Variants in ROBO1 observed in about 807,000 individuals in gnomAD.
ROBO1 encodes the protein roundabout guidance receptor 1.
A neutral mutation model predicts 195.9 loss-of-function variants in ROBO1; 149 were observed. The ratio of observed to expected loss-of-function variants is 0.76; its 90% CI spans 0.67 to 0.87. The LOEUF is 0.87. Ranked by LOEUF, ROBO1 falls within the 40% of genes least tolerant of loss-of-function variation. The pLI, the probability that ROBO1 is intolerant of heterozygous loss-of-function variation, is 0.00. For synonymous variants in ROBO1, 816 were observed against 733.2 expected, an observed-to-expected ratio of 1.11 and a Z score of -1.82; for missense variants, 1,933 against 2,068.3, an observed-to-expected ratio of 0.93 and a Z score of 1.27.
intron 3 of ROBO1, among the ~76,000 whole-genome samples, chr3:79,084,355 G>A (rs753631272): frequency 4.6e-5 from 7 of 152,164 alleles, no homozygotes; most frequent in African/African-American, 7.2e-5. Flanking sequence ...AAAATTAGCC[G>A]GGCTTGGTGG....
chr3:79,536,563 T>C (rs1941872019), intron 2 of ROBO1, among the ~76,000 whole-genome samples: 1 of 152,168 alleles, frequency 6.6e-6, no homozygotes, highest in Admixed American at 6.6e-5. Context: ...ACACAGATGT[T>C]TAGAAGAATT....
At chr3:79,681,039 G>A (rs1946930995) in intron 1 of ROBO1, among the ~76,000 whole-genome samples, 1 of 152,010 alleles carries the variant, frequency 6.6e-6, no homozygotes. Context: ...CAAGAGAACG[G>A]TGTATTAGAA....
chr3:79,733,729 T>C lies in ROBO1; in HGVS notation c.-51+34023A>G, dbSNP rs529456754. 4.6e-5 allele frequency among the ~76,000 whole-genome samples: 7 copies of C among 152,300 alleles called. No individual in the cohort carries two copies. The East Asian group carries it at 1.2e-3, about 25-fold the overall frequency. ...TAGGAGTATTTTTGCTGTACTATCA[T>C]ATTCTCTGTACTTACTCTATCATTA... On this transcript the variant is annotated intron_variant, in intron 1 of 30. Coordinates refer to ENST00000464233, the MANE Select transcript of ROBO1 (RefSeq NM_002941.4).
At chr3:79,249,342 T>A (rs1046176037) in intron 2 of ROBO1, among the ~76,000 whole-genome samples, 1 of 152,210 alleles carries the variant, frequency 6.6e-6, no homozygotes, top group Non-Finnish European at 1.5e-5. Flanking sequence ...GCCTAATTCC[T>A]GACTTAATTA....
Position 78,597,430 on chromosome 3 carries a change from C to CAA in ROBO1, c.*1481_*1482dup, listed in dbSNP as rs1404917016. 2.0e-5 allele frequency: 3 copies of CAA among 152,466 alleles called. No homozygotes were observed. Among genetic ancestry groups the CAA allele is most frequent in the Non-Finnish European group, 2.9e-5 (2 of 67,970 alleles). 9.4% of individuals were successfully genotyped at this position (152,466 alleles called of 1,614,324 possible). The stretch of plus-strand genomic sequence containing the variant: ...AACTTTTTCAAATTATCTAAATGAA[C>CAA]AAGTTTGGTTTTGGTGAACACCAGC... On this transcript the variant is annotated 3_prime_UTR_variant, in exon 31 of 31. Transcript: ENST00000464233.
chr3:78,922,472 C>G (rs920030006), intron 4 of ROBO1, among the ~76,000 whole-genome samples: 1 of 152,074 alleles, frequency 6.6e-6, no homozygotes, highest in Admixed American at 6.6e-5. Flanking sequence ...AGTTCATAGG[C>G]AAGGTAGTCA....
At chr3:79,498,778 C>T (rs1458245852) in intron 2 of ROBO1, among the ~76,000 whole-genome samples, 2 of 151,598 alleles carry the variant, frequency 1.3e-5, no homozygotes, top group Non-Finnish European at 2.9e-5. Flanking sequence ...CACTTGAACC[C>T]GGGAGGCAGA....
chr3:79,761,611 C>G, intron 1 of ROBO1, among the ~76,000 whole-genome samples: 1 of 152,214 alleles, frequency 6.6e-6, no homozygotes, highest in East Asian at 1.9e-4. Flanking sequence ...CACCTCAACT[C>G]TAAATGCCAT....
At chr3:78,857,392 A>G (rs1468055264) in intron 4 of ROBO1, among the ~76,000 whole-genome samples, 3 of 152,224 alleles carry the variant, frequency 2.0e-5, no homozygotes, top group South Asian at 4.1e-4. Context: ...ACAATTAATC[A>G]TAAGGATTAA....
chr3:79,250,188 T>C lies in ROBO1; in HGVS notation c.89-124649A>G, dbSNP rs764431183. Among the ~76,000 whole-genome samples, 4 of 152,326 alleles carry C rather than the reference T, an allele frequency of 2.6e-5. No homozygotes were observed. The East Asian group carries it at 5.8e-4, about 22-fold the overall frequency. ...ATTCAAATAGTTTTTGAGCTTTGAA[T>C]GCACACATGCACTATGTTAAGTAGA... On this transcript the variant is annotated intron_variant, in intron 2 of 30. Transcript: ENST00000464233.
chr3:78,693,298 A>G (rs564341873), intron 8 of ROBO1: 2 of 1,548,850 alleles, frequency 1.3e-6, no homozygotes, highest in South Asian at 2.4e-5. Flanking sequence ...GAGAAGTTCC[A>G]GTCACAGTGA....
intron 21 of ROBO1, among the ~76,000 whole-genome samples, chr3:78,643,694 T>C (rs1706107429): frequency 6.6e-6 from 1 of 152,126 alleles, no homozygotes; most frequent in Admixed American, 6.6e-5. Flanking sequence ...GTCCTATTGA[T>C]AATGGGATTT....
At chr3:79,218,924 G>T (rs1346704229) in intron 2 of ROBO1, among the ~76,000 whole-genome samples, 1 of 151,886 alleles carries the variant, frequency 6.6e-6, no homozygotes, top group Non-Finnish European at 1.5e-5. Context: ...AATTGAATAG[G>T]ATATTTGAGA....
At chr3:79,272,345 T>C (rs896116859) in intron 2 of ROBO1, among the ~76,000 whole-genome samples, 1 of 152,002 alleles carries the variant, frequency 6.6e-6, no homozygotes, top group African/African-American at 2.4e-5. Context: ...AGCTGGGAGA[T>C]GATGGAGCAA....
intron 1 of ROBO1, among the ~76,000 whole-genome samples, chr3:79,637,426 C>T (rs1945527504): frequency 6.7e-6 from 1 of 149,498 alleles, no homozygotes; most frequent in Non-Finnish European, 1.5e-5. Flanking sequence ...CTTCCCAAAC[C>T]CTTTTTAAGA....
At position 78,622,128 on chromosome 3, in the gene ROBO1, T is replaced by C. The variant is rs142826611; in HGVS notation, c.3876-4087A>G. Among the ~76,000 whole-genome samples the C allele has an allele frequency of 3.6e-3, 555 of 152,216 alleles. 5 individuals carry two copies. The highest frequency in any genetic ancestry group is 0.013 in the African/African-American group (530 of 41,560). ...TTTAATTATATTATTTTCCCAGCTA[T>C]TGTTTGAAAAAAAGAGAAGACAAAT... On this transcript the variant is annotated intron_variant, in intron 26 of 30. Transcript: ENST00000464233.
intron 2 of ROBO1, chr3:79,512,678 C>G (rs931294019): frequency 6.6e-6 from 1 of 151,976 alleles, no homozygotes; most frequent in Non-Finnish European, 1.5e-5. Context: ...ATAATACATT[C>G]CAAAACAAAG....
intron 1 of ROBO1, among the ~76,000 whole-genome samples, chr3:79,592,392 T>G (rs1015401432): frequency 8.5e-5 from 13 of 152,128 alleles, no homozygotes; most frequent in African/African-American, 2.9e-4. Flanking sequence ...GGACTAGTTC[T>G]GTGAATTTAT....
At chr3:79,396,215 G>T (rs1294453410) in intron 2 of ROBO1, among the ~76,000 whole-genome samples, 1 of 152,030 alleles carries the variant, frequency 6.6e-6, no homozygotes, top group Non-Finnish European at 1.5e-5. Context: ...AATAAAATTG[G>T]AGTACTATGG....
Sources: gnomAD v4.1 joint callset for allele counts (sites outside exome capture counted in the v4.1 genomes callset) on GRCh38, gnomAD v4.1.1 for gene constraint, MANE v1.5 for transcripts, NCBI Gene and HGNC (gene_info 2026-07-23, HGNC 2026-07-21) for gene names.